NRCAM: variants seen among roughly 807,000 people sequenced by gnomAD.
NRCAM encodes the protein NgCAM-related cell adhesion molecule.
Under a neutral mutation model 156.5 loss-of-function variants are expected in NRCAM, and 83 were observed. That is an observed-to-expected ratio of 0.53 (90% CI 0.44 to 0.64). The LOEUF (loss-of-function observed/expected upper bound fraction) is 0.64. Ranked by LOEUF, NRCAM falls within the 30% of genes least tolerant of loss-of-function variation. The pLI is 0.00. For synonymous variants in NRCAM, 538 were observed against 563.9 expected, an observed-to-expected ratio of 0.95 and a Z score of 0.65; for missense variants, 1,417 against 1,597.3, an observed-to-expected ratio of 0.89 and a Z score of 1.92.
At chr7:108,213,837 G>A (rs2086173873) in intron 11 of NRCAM, among the ~76,000 whole-genome samples, 1 of 152,156 alleles carries the variant, frequency 6.6e-6, no homozygotes, top group Admixed American at 6.5e-5. Flanking sequence ...GGCCTTTTCT[G>A]CATCTATTAA....
intron 1 of NRCAM, among the ~76,000 whole-genome samples, chr7:108,415,032 C>T (rs1204283183): frequency 1.3e-5 from 2 of 152,048 alleles, no homozygotes; most frequent in Non-Finnish European, 2.9e-5. Context: ...CATATTACCA[C>T]AGAAGAGATG....
intron 1 of NRCAM, among the ~76,000 whole-genome samples, chr7:108,452,314 A>C (rs1377151651): frequency 2.6e-5 from 4 of 152,216 alleles, no homozygotes; most frequent in African/African-American, 7.2e-5. Flanking sequence ...TGATTGTGGT[A>C]ATCATTTCAC....
intron 29 of NRCAM, among the ~76,000 whole-genome samples, chr7:108,167,956 T>C (rs926827321): frequency 2.0e-5 from 3 of 152,238 alleles, no homozygotes; most frequent in African/African-American, 7.2e-5. Context: ...TTTTCTATTG[T>C]ACTTGCAAAT....
intron 3 of NRCAM, among the ~76,000 whole-genome samples, chr7:108,296,866 G>A (rs562396771): frequency 7.9e-5 from 12 of 152,104 alleles, no homozygotes; most frequent in South Asian, 2.1e-4. Context: ...CAAATAATCC[G>A]TTTCCCTATA....
chr7:108,305,140 T>C (rs2098695867), intron 3 of NRCAM, among the ~76,000 whole-genome samples: 1 of 152,218 alleles, frequency 6.6e-6, no homozygotes, highest in African/African-American at 2.4e-5. Flanking sequence ...AATATATTTA[T>C]TTTTCCTACT....
chr7:108,447,259 CTTTTTTTTTTTT>C (rs34273772), intron 1 of NRCAM, among the ~76,000 whole-genome samples: 3 of 84,256 alleles, frequency 3.6e-5, no homozygotes, highest in African/African-American at 1.4e-4. Flanking sequence ...TCACTTCTTT[CTTTTTTTTTTTT>C]TTTTTTTTTT....
chr7:108,196,101 T>C (rs73414324), intron 14 of NRCAM, among the ~76,000 whole-genome samples: 3 of 152,190 alleles, frequency 2.0e-5, no homozygotes, highest in Non-Finnish European at 2.9e-5. Context: ...ATCATTTTGG[T>C]TGTTGATTTA....
At chr7:108,423,318 G>A (rs1812722578) in intron 1 of NRCAM, among the ~76,000 whole-genome samples, 3 of 152,082 alleles carry the variant, frequency 2.0e-5, no homozygotes, top group Admixed American at 6.6e-5. Context: ...AGGAGAAAGA[G>A]TCAGGTGGAT....
In NRCAM at chr7:108,348,777, T is replaced by A. The variant is rs144700946; in HGVS notation, c.-173-36046A>T. ...AAAAATACAAAAAATAGCTGGGCCC[T>A]GTAGTCCCAGCCACTCGGGAGGCTG... On this transcript the variant is annotated intron_variant, in intron 2 of 32. Coordinates refer to ENST00000379028, the MANE Select transcript of NRCAM (RefSeq NM_001037132.4). Among the ~76,000 whole-genome samples, 223 of 151,710 alleles carry A rather than the reference T, an allele frequency of 1.5e-3. 2 individuals are homozygous for A. Among genetic ancestry groups the A allele is most frequent in the African/African-American group, 5.3e-3 (219 of 41,344 alleles).
chr7:108,452,307 T>C (rs74397390), intron 1 of NRCAM, among the ~76,000 whole-genome samples: 9,621 of 152,266 alleles, frequency 0.063, 296 homozygotes, highest in African/African-American at 0.069. Flanking sequence ...ATTAGTTTGA[T>C]TGTGGTAATC....
intron 2 of NRCAM, among the ~76,000 whole-genome samples, chr7:108,370,707 G>A (rs951673476): frequency 8.5e-5 from 13 of 152,056 alleles, no homozygotes; most frequent in African/African-American, 3.1e-4. Context: ...AACATTTGCT[G>A]TATCTATTTC....
intron 3 of NRCAM, among the ~76,000 whole-genome samples, chr7:108,266,763 C>A (rs577756612): frequency 3.3e-5 from 5 of 152,172 alleles, no homozygotes; most frequent in Non-Finnish European, 5.9e-5. Context: ...CTGATCCATA[C>A]GCCACACTTC....
At chr7:108,230,678 G>C (rs750281625) in intron 8 of NRCAM, among the ~76,000 whole-genome samples, 1 of 151,614 alleles carries the variant, frequency 6.6e-6, no homozygotes, top group Admixed American at 6.6e-5. Flanking sequence ...GATATTTAGG[G>C]GCATGGCTTG....
chr7:108,194,179 GTA>G lies in NRCAM; in HGVS notation c.1631-10_1631-9del, dbSNP rs749527145. The G allele has an allele frequency of 9.9e-6, 16 of 1,613,678 alleles. No homozygotes were observed. The highest frequency in any genetic ancestry group is 1.4e-5 in the Non-Finnish European group (16 of 1,179,732). On this transcript the variant is annotated splice_polypyrimidine_tract_variant and intron_variant, in intron 16 of 32. Transcript: ENST00000379028. ...TAACGATCCATGTAGGATCTGAAAT[GTA>G]GAGTCATCGTTATCCATTTGGCAAA... is the stretch of plus-strand genomic sequence containing the variant.
At chr7:108,151,564 G>A (rs949236133) in intron 32 of NRCAM, among the ~76,000 whole-genome samples, 1 of 151,836 alleles carries the variant, frequency 6.6e-6, no homozygotes, top group Non-Finnish European at 1.5e-5. Flanking sequence ...ATATGACACT[G>A]GCATATGCCA....
intron 3 of NRCAM, among the ~76,000 whole-genome samples, chr7:108,306,043 T>C (rs1206580969): frequency 5.3e-5 from 8 of 152,214 alleles, no homozygotes. Context: ...TAAACAACCA[T>C]TTAAAATAAT....
intron 26 of NRCAM, 55 bp from the exon 27 acceptor site, chr7:108,176,661 C>A: frequency 7.6e-7 from 1 of 1,318,656 alleles, no homozygotes; most frequent in Non-Finnish European, 1.1e-6. Flanking sequence ...TATAGGAATA[C>A]TATTATAAAT....
Position 108,411,361 on chromosome 7 carries a change from G to C in NRCAM, c.-331-11768C>G, listed in dbSNP as rs1188879571. ...CTTGCAGGAGCTAACAGGATAAAAA[G>C]GAAAAGGTCCCTGAATGTCTCTATC... On this transcript the variant is annotated intron_variant, in intron 1 of 32. Transcript: ENST00000379028. 3.3e-5 allele frequency among the ~76,000 whole-genome samples: 5 copies of C among 152,046 alleles called. No homozygotes were observed. In the East Asian group the frequency reaches 9.6e-4, roughly 29 times the overall value.
intron 3 of NRCAM, among the ~76,000 whole-genome samples, chr7:108,257,982 A>G (rs976734943): frequency 6.6e-6 from 1 of 152,158 alleles, no homozygotes; most frequent in Non-Finnish European, 1.5e-5. Context: ...TTCAAAGTCA[A>G]CGCTACTGAC....
Sources: allele counts gnomAD v4.1 joint callset (sites outside exome capture counted in the v4.1 genomes callset), GRCh38; gene constraint gnomAD v4.1.1; transcripts MANE v1.5; gene names NCBI Gene and HGNC (gene_info 2026-07-23, HGNC 2026-07-21).